Variants in DAB1 observed in about 807,000 individuals in gnomAD.
DAB1 encodes DAB adaptor protein 1.
Under a neutral mutation model 64.6 loss-of-function variants are expected in DAB1, and 15 were observed. The observed-to-expected ratio is 0.23, with a 90% CI of 0.16 to 0.36. The LOEUF is 0.36. DAB1 is among the 10% of genes least tolerant of loss of function. The pLI is 1.00. For synonymous variants in DAB1, 235 were observed against 251.9 expected, an observed-to-expected ratio of 0.93 and a Z score of 0.64; for missense variants, 596 against 706.7, an observed-to-expected ratio of 0.84 and a Z score of 1.78.
chr1:57,539,518 T>C (rs1380736211), intron 7 of DAB1, among the ~76,000 whole-genome samples: 1 of 152,208 alleles, frequency 6.6e-6, no homozygotes, highest in Admixed American at 6.5e-5. Context: ...GTGGGTATCT[T>C]TTGTTATCTA....
chr1:57,411,455 C>T (rs1264273344), intron 1 of DAB1, among the ~76,000 whole-genome samples: 1 of 152,206 alleles, frequency 6.6e-6, no homozygotes, highest in Non-Finnish European at 1.5e-5. Flanking sequence ...CATTGGGCAG[C>T]CAAATAACTG....
At chr1:57,135,166 T>TCA (rs1657977058) in intron 4 of DAB1, among the ~76,000 whole-genome samples, 1 of 152,202 alleles carries the variant, frequency 6.6e-6, no homozygotes, top group African/African-American at 2.4e-5. Flanking sequence ...TTACATACAT[T>TCA]CACATTTTTG....
At chr1:58,152,035 G>A (rs1654970761) in intron 4 of DAB1, among the ~76,000 whole-genome samples, 1 of 152,188 alleles carries the variant, frequency 6.6e-6, no homozygotes, top group African/African-American at 2.4e-5. Flanking sequence ...GTTGATTCCA[G>A]GGTGAAAATG....
intron 5 of DAB1, among the ~76,000 whole-genome samples, chr1:58,036,423 G>T (rs1353643806): frequency 6.6e-6 from 1 of 152,150 alleles, no homozygotes; most frequent in African/African-American, 2.4e-5. Flanking sequence ...GCTGCCCACA[G>T]GGAGATCTAG....
intron 1 of DAB1, among the ~76,000 whole-genome samples, chr1:57,379,354 C>T (rs145585005): frequency 0.017 from 2,597 of 152,280 alleles, 50 homozygotes; most frequent in Non-Finnish European, 0.023. Flanking sequence ...TCATTTGGAA[C>T]TGTGAAGCCA....
intron 1 of DAB1, among the ~76,000 whole-genome samples, chr1:58,540,613 G>A (rs1458821513): frequency 1.3e-5 from 2 of 149,116 alleles, no homozygotes; most frequent in Non-Finnish European, 3.0e-5. Flanking sequence ...CATACTAGAT[G>A]AGACTAACAG....
intron 4 of DAB1, among the ~76,000 whole-genome samples, chr1:58,239,871 A>T (rs916272609): frequency 6.6e-6 from 1 of 152,224 alleles, no homozygotes; most frequent in African/African-American, 2.4e-5. Context: ...AAATCAGCCA[A>T]GAAGACCAAA....
intron 5 of DAB1, among the ~76,000 whole-genome samples, chr1:58,061,489 G>A (rs1019983656): frequency 2.6e-5 from 4 of 152,050 alleles, no homozygotes; most frequent in African/African-American, 7.2e-5. Context: ...CTCTGCCTTC[G>A]TCTTCACATG....
chr1:57,636,365 T>C (rs1202765621), intron 7 of DAB1, among the ~76,000 whole-genome samples: 4 of 152,304 alleles, frequency 2.6e-5, no homozygotes, highest in East Asian at 3.9e-4. Context: ...TATTTTGTTA[T>C]GGCAGCCCAA....
chr1:57,456,353 G>A (rs1431066585), intron 7 of DAB1, among the ~76,000 whole-genome samples: 4 of 152,110 alleles, frequency 2.6e-5, no homozygotes, highest in Non-Finnish European at 1.5e-5. Context: ...CATTAAAAGA[G>A]ACTAACACTG....
intron 7 of DAB1, among the ~76,000 whole-genome samples, chr1:57,475,358 G>A (rs1053465593): frequency 6.6e-5 from 10 of 152,170 alleles, no homozygotes; most frequent in African/African-American, 2.4e-4. Flanking sequence ...ATGGCAAAGT[G>A]GAAGAGCCTA....
intron 4 of DAB1, among the ~76,000 whole-genome samples, chr1:58,203,563 G>A (rs1310676632): frequency 1.3e-5 from 2 of 152,144 alleles, no homozygotes; most frequent in African/African-American, 4.8e-5. Context: ...ACTTTAGGGA[G>A]CATGAGAATC....
At chr1:57,958,443 C>G (rs1225752055) in intron 5 of DAB1, among the ~76,000 whole-genome samples, 1 of 152,116 alleles carries the variant, frequency 6.6e-6, no homozygotes, top group Non-Finnish European at 1.5e-5. Flanking sequence ...AGAGAAATAC[C>G]TGCCTCCAAG....
chr1:57,861,298 T>C (rs1033938581), intron 1 of DAB1, among the ~76,000 whole-genome samples: 2 of 152,148 alleles, frequency 1.3e-5, no homozygotes, highest in Non-Finnish European at 2.9e-5. Flanking sequence ...AAGAGAAATA[T>C]ATTTCTTACA....
At chr1:58,341,859 C>T (rs570388407) in intron 4 of DAB1, among the ~76,000 whole-genome samples, 1 of 152,324 alleles carries the variant, frequency 6.6e-6, no homozygotes, top group South Asian at 2.1e-4. Context: ...TTTCTCTAGT[C>T]TGGTTAACAG....
chr1:57,070,952 T>C, intron 7 of DAB1, 71 bp downstream of exon 7: 1 of 1,344,114 alleles, frequency 7.4e-7, no homozygotes, highest in Non-Finnish European at 1.1e-6. Flanking sequence ...TCTTCAGGTT[T>C]CTGACAAAAT....
chr1:57,260,776 T>A (rs895831253), intron 2 of DAB1, among the ~76,000 whole-genome samples: 4 of 152,136 alleles, frequency 2.6e-5, no homozygotes, highest in Non-Finnish European at 5.9e-5. Flanking sequence ...TCCATATACC[T>A]TCCCCCATCA....
chr1:58,469,160 C>A (rs1029020128), intron 3 of DAB1, among the ~76,000 whole-genome samples: 2 of 152,200 alleles, frequency 1.3e-5, no homozygotes, highest in East Asian at 3.8e-4. Context: ...GCTCTGCTGC[C>A]AGGAATCTGC....
At chr1:58,197,891 T>C (rs674913) in intron 4 of DAB1, among the ~76,000 whole-genome samples, 80,392 of 151,956 alleles carry the variant, frequency 0.53, 22,889 homozygotes, top group Middle Eastern at 0.7. Flanking sequence ...TAGTTCAACA[T>C]GAATGCATTA....
Sources: gnomAD v4.1 joint callset for allele counts (sites outside exome capture counted in the v4.1 genomes callset) on GRCh38, gnomAD v4.1.1 for gene constraint, MANE v1.5 for transcripts, NCBI Gene and HGNC (gene_info 2026-07-23, HGNC 2026-07-21) for gene names.